Variants in SLC44A5 observed in about 807,000 individuals in gnomAD.
The protein encoded by SLC44A5 is choline transporter-like protein 5.
A neutral mutation model predicts 101.8 loss-of-function variants in SLC44A5; 57 were observed. The ratio of observed to expected loss-of-function variants is 0.56; its 90% CI spans 0.45 to 0.70. The LOEUF (loss-of-function observed/expected upper bound fraction) is 0.70, where lower values mean the gene tolerates loss of function less well. Ranked by LOEUF, SLC44A5 falls within the 30% of genes least tolerant of loss-of-function variation. SLC44A5 has a pLI of 0.00. For synonymous variants in SLC44A5, 281 were observed against 290.9 expected (o/e 0.97, Z 0.35); for missense variants, 737 against 853.1 (o/e 0.86, Z 1.70).
At chr1:75,234,380 C>T (rs1647879807) in intron 11 of SLC44A5, among the ~76,000 whole-genome samples, 1 of 152,040 alleles carries the variant, frequency 6.6e-6, no homozygotes, top group South Asian at 2.1e-4. Context: ...AATACAATTT[C>T]TCCAACTACA....
intron 1 of SLC44A5, among the ~76,000 whole-genome samples, chr1:75,604,014 T>C (rs1378462669): frequency 4.6e-5 from 7 of 152,070 alleles, no homozygotes; most frequent in African/African-American, 1.7e-4. Context: ...AGCTACTCAG[T>C]TTAATTAGGT....
At chr1:75,703,461 T>C in the SLC44A5 span, among the ~76,000 whole-genome samples, 1 of 141,456 alleles carries the variant, frequency 7.1e-6, no homozygotes, top group Non-Finnish European at 1.5e-5. Context: ...AATTGAACAA[T>C]AAGAACACAT....
chr1:75,213,641 A>T, intron 22 of SLC44A5, 64 bp downstream of exon 22: 2 of 1,174,438 alleles, frequency 1.7e-6, no homozygotes, highest in South Asian at 1.3e-5. Flanking sequence ...TCTGTTGTTT[A>T]AGTCATCCAG....
At chr1:75,510,842 T>C (rs908421073) in intron 2 of SLC44A5, among the ~76,000 whole-genome samples, 3 of 151,980 alleles carry the variant, frequency 2.0e-5, no homozygotes, top group Non-Finnish European at 4.4e-5. Flanking sequence ...ACAACAAAAA[T>C]AGTTAAAGAA....
At chr1:75,620,330 T>A in the SLC44A5 span, among the ~76,000 whole-genome samples, 1 of 152,186 alleles carries the variant, frequency 6.6e-6, no homozygotes, top group Admixed American at 6.5e-5. Context: ...TGATTTGTAA[T>A]CCTTTGGGTA....
At chr1:75,721,037 C>T in the SLC44A5 span, among the ~76,000 whole-genome samples, 1 of 152,096 alleles carries the variant, frequency 6.6e-6, no homozygotes, top group Non-Finnish European at 1.5e-5. Flanking sequence ...CAGGTGAGAA[C>T]AGAAAAGCAT....
At chr1:75,586,170 T>C (rs1288703396) in intron 1 of SLC44A5, among the ~76,000 whole-genome samples, 1 of 152,044 alleles carries the variant, frequency 6.6e-6, no homozygotes, top group East Asian at 1.9e-4. Flanking sequence ...GAGGCCTGAA[T>C]AGAACAAAAA....
chr1:75,342,022 C>T (rs887462189), intron 3 of SLC44A5, among the ~76,000 whole-genome samples: 1 of 152,118 alleles, frequency 6.6e-6, no homozygotes, highest in African/African-American at 2.4e-5. Context: ...ATAAGTACAT[C>T]CCAGTTTACA....
At chr1:75,350,099 C>A (rs1388020052) in intron 3 of SLC44A5, among the ~76,000 whole-genome samples, 1 of 151,998 alleles carries the variant, frequency 6.6e-6, no homozygotes, top group Non-Finnish European at 1.5e-5. Context: ...CCAACTCCAG[C>A]CCAACTATGA....
the SLC44A5 span, among the ~76,000 whole-genome samples, chr1:75,642,472 C>T: frequency 6.6e-6 from 1 of 151,958 alleles, no homozygotes; most frequent in Non-Finnish European, 1.5e-5. Context: ...CTGAAGTGTT[C>T]GTCAAGATTT....
At chr1:75,372,877 T>A (rs569281749) in intron 3 of SLC44A5, among the ~76,000 whole-genome samples, 1 of 152,322 alleles carries the variant, frequency 6.6e-6, no homozygotes, top group South Asian at 2.1e-4. Flanking sequence ...TCTTTGTTTT[T>A]AAATTGACAT....
intron 2 of SLC44A5, among the ~76,000 whole-genome samples, chr1:75,529,774 C>G (rs948135859): frequency 6.6e-6 from 1 of 152,130 alleles, no homozygotes; most frequent in Non-Finnish European, 1.5e-5. Context: ...CAAAGCTGTA[C>G]TAATCCCCTC....
the SLC44A5 span, among the ~76,000 whole-genome samples, chr1:75,694,202 A>G: frequency 6.6e-6 from 1 of 151,976 alleles, no homozygotes; most frequent in African/African-American, 2.4e-5. Context: ...TGTGAGACAT[A>G]TAAGTGGAAG....
intron 10 of SLC44A5, among the ~76,000 whole-genome samples, chr1:75,237,426 T>C (rs1449476337): frequency 6.6e-6 from 1 of 152,098 alleles, no homozygotes; most frequent in Non-Finnish European, 1.5e-5. Flanking sequence ...ATGAACATGA[T>C]CTTTAATTCC....
At chr1:75,675,890 A>G in the SLC44A5 span, among the ~76,000 whole-genome samples, 1 of 152,224 alleles carries the variant, frequency 6.6e-6, no homozygotes, top group Non-Finnish European at 1.5e-5. Flanking sequence ...TGGGCAAAGG[A>G]CATGAACAGA....
At chr1:75,558,749 C>T (rs562400852) in intron 1 of SLC44A5, among the ~76,000 whole-genome samples, 1 of 152,098 alleles carries the variant, frequency 6.6e-6, no homozygotes, top group South Asian at 2.1e-4. Context: ...CACTTTCCGA[C>T]CTGAGAAAAA....
intron 6 of SLC44A5, among the ~76,000 whole-genome samples, chr1:75,259,114 A>T (rs1212419411): frequency 1.3e-5 from 2 of 152,178 alleles, no homozygotes; most frequent in African/African-American, 4.8e-5. Flanking sequence ...ACCAGAATGC[A>T]TCTTCTCCTG....
At chr1:75,429,704 A>G (rs1403777485) in intron 2 of SLC44A5, among the ~76,000 whole-genome samples, 1 of 152,106 alleles carries the variant, frequency 6.6e-6, no homozygotes, top group Non-Finnish European at 1.5e-5. Flanking sequence ...GTCACATGGC[A>G]AGAGAGAGTG....
At chr1:75,510,861 G>A (rs1669527691) in intron 2 of SLC44A5, among the ~76,000 whole-genome samples, 1 of 152,208 alleles carries the variant, frequency 6.6e-6, no homozygotes, top group South Asian at 2.1e-4. Flanking sequence ...AAAAATGGTA[G>A]GCCGGGCGCT....
Sources: gnomAD v4.1 joint callset for allele counts (sites outside exome capture counted in the v4.1 genomes callset) on GRCh38, gnomAD v4.1.1 for gene constraint, MANE v1.5 for transcripts, NCBI Gene and HGNC (gene_info 2026-07-23, HGNC 2026-07-21) for gene names.